MYO16: variants seen among roughly 807,000 people sequenced by gnomAD.
MYO16 encodes the protein unconventional myosin-XVI.
MYO16 carries 94 observed loss-of-function variants against 205.3 expected under a neutral mutation model. The ratio of observed to expected loss-of-function variants is 0.46; its 90% CI spans 0.39 to 0.54. The LOEUF (loss-of-function observed/expected upper bound fraction) is 0.54, where lower values mean the gene tolerates loss of function less well. Among genes scored for constraint, MYO16 ranks in the 20% least tolerant of loss-of-function variants. The probability of loss-of-function intolerance (pLI) is 0.00; values close to 1 mark genes in which losing one functional copy is unlikely to be tolerated. For missense variants in MYO16, 2,315 were observed against 2,387.5 expected, an observed-to-expected ratio of 0.97 and a Z score of 0.63; for synonymous variants, 988 against 954.0, an observed-to-expected ratio of 1.04 and a Z score of -0.66.
chr13:108,544,561 G>A, the MYO16 span, among the ~76,000 whole-genome samples: 2 of 151,990 alleles, frequency 1.3e-5, no homozygotes, highest in Non-Finnish European at 2.9e-5. Flanking sequence ...TATTAAAAGA[G>A]TTACATAGTT....
At chr13:108,900,629 C>G (rs1369705024) in intron 15 of MYO16, among the ~76,000 whole-genome samples, 3 of 152,166 alleles carry the variant, frequency 2.0e-5, no homozygotes, top group Non-Finnish European at 2.9e-5. Context: ...ATTTCCTATG[C>G]CTGTCTTTAC....
At chr13:108,942,376 A>G (rs748478766) in intron 16 of MYO16, among the ~76,000 whole-genome samples, 4 of 152,202 alleles carry the variant, frequency 2.6e-5, no homozygotes, top group Non-Finnish European at 4.4e-5. Context: ...CCCTTAGAAA[A>G]TGTGCTGATG....
chr13:108,782,508 A>C (rs1886333770), intron 4 of MYO16, among the ~76,000 whole-genome samples: 1 of 152,132 alleles, frequency 6.6e-6, no homozygotes, highest in African/African-American at 2.4e-5. Context: ...GAAAAGAAAA[A>C]CCCATTTTTT....
chr13:108,972,376 AT>A, intron 20 of MYO16, among the ~76,000 whole-genome samples: 1 of 61,924 alleles, frequency 1.6e-5, no homozygotes, highest in Non-Finnish European at 2.8e-5. Context: ...ATATATATAT[AT>A]ATATATATAT....
intron 15 of MYO16, among the ~76,000 whole-genome samples, 194 bp downstream of exon 15, chr13:108,898,327 C>T: frequency 7.2e-6 from 1 of 139,222 alleles, no homozygotes; most frequent in East Asian, 2.1e-4. Context: ...GATCAATACT[C>T]AGGCACTCAG....
At chr13:109,182,644 A>G (rs1879503487) in intron 34 of MYO16, among the ~76,000 whole-genome samples, 1 of 152,204 alleles carries the variant, frequency 6.6e-6, no homozygotes, top group African/African-American at 2.4e-5. Flanking sequence ...TACTATCTAT[A>G]AAGTTTTACA....
At chr13:108,580,200 G>T in the MYO16 span, among the ~76,000 whole-genome samples, 1 of 152,136 alleles carries the variant, frequency 6.6e-6, no homozygotes, top group African/African-American at 2.4e-5. Flanking sequence ...TGCATCCCTG[G>T]ATAAACATTT....
At chr13:109,001,047 T>C (rs1446924442) in intron 21 of MYO16, among the ~76,000 whole-genome samples, 5 of 151,870 alleles carry the variant, frequency 3.3e-5, no homozygotes, top group Middle Eastern at 3.2e-3. Flanking sequence ...AACAATGTCT[T>C]TATACATGTG....
chr13:108,523,073 G>A, the MYO16 span, among the ~76,000 whole-genome samples: 1 of 152,070 alleles, frequency 6.6e-6, no homozygotes, highest in African/African-American at 2.4e-5. Flanking sequence ...GACATTACAG[G>A]GACTTAGTGA....
At chr13:108,804,150 C>T (rs1365665945) in intron 6 of MYO16, among the ~76,000 whole-genome samples, 3 of 152,040 alleles carry the variant, frequency 2.0e-5, no homozygotes, top group African/African-American at 7.3e-5. Flanking sequence ...TCTCCATCTG[C>T]AAAATAAGGG....
At chr13:109,038,942 G>A (rs1454776468) in intron 23 of MYO16, among the ~76,000 whole-genome samples, 3 of 152,068 alleles carry the variant, frequency 2.0e-5, no homozygotes, top group South Asian at 2.1e-4. Flanking sequence ...CTTGGTAGGG[G>A]GTTAGGACTT....
At chr13:108,910,808 G>T (rs1394570301) in intron 16 of MYO16, among the ~76,000 whole-genome samples, 1 of 152,124 alleles carries the variant, frequency 6.6e-6, no homozygotes, top group African/African-American at 2.4e-5. Context: ...AGAGAAGTTG[G>T]TGGGAAAAGA....
At chr13:108,594,966 A>C (rs576559168), upstream of MYO16, among the ~76,000 whole-genome samples, 66 of 152,180 alleles carry the variant, frequency 4.3e-4, 1 homozygote, top group Admixed American at 1.6e-3. Flanking sequence ...TCAGTTATGG[A>C]TAACTTTTGC....
At chr13:108,726,121 GA>G (rs1392451671) in intron 3 of MYO16, among the ~76,000 whole-genome samples, 1 of 152,114 alleles carries the variant, frequency 6.6e-6, no homozygotes, top group Non-Finnish European at 1.5e-5. Flanking sequence ...TTTGGGGAGA[GA>G]AATCTGTTCT....
chr13:108,869,593 T>C (rs1210554597), intron 12 of MYO16, among the ~76,000 whole-genome samples: 1 of 148,444 alleles, frequency 6.7e-6, no homozygotes, highest in South Asian at 2.1e-4. Flanking sequence ...TAGCCGGGCG[T>C]CGTGGCGGGC....
chr13:108,705,915 G>T (rs1883490909), intron 2 of MYO16, among the ~76,000 whole-genome samples: 1 of 152,042 alleles, frequency 6.6e-6, no homozygotes. Context: ...GCTTAAAGAA[G>T]AATTAATACT....
intron 27 of MYO16, among the ~76,000 whole-genome samples, chr13:109,068,475 G>A (rs1285135666): frequency 1.3e-5 from 2 of 151,276 alleles, no homozygotes; most frequent in Non-Finnish European, 2.9e-5. Flanking sequence ...ATAATAATGG[G>A]CATGGCTATA....
chr13:109,023,447 A>C (rs1358983295), intron 23 of MYO16, among the ~76,000 whole-genome samples: 77 of 96,604 alleles, frequency 8.0e-4, no homozygotes, highest in African/African-American at 3.6e-3. Flanking sequence ...TTATACAGAT[A>C]TAAATATATA....
At chr13:109,036,088 C>T (rs1030961695) in intron 23 of MYO16, among the ~76,000 whole-genome samples, 27 of 152,172 alleles carry the variant, frequency 1.8e-4, no homozygotes, top group Admixed American at 2.6e-4. Context: ...CAAGGCACAG[C>T]GAGAAAGGAG....
Sources: allele counts gnomAD v4.1 joint callset (sites outside exome capture counted in the v4.1 genomes callset), GRCh38; gene constraint gnomAD v4.1.1; transcripts MANE v1.5; gene names NCBI Gene and HGNC (gene_info 2026-07-23, HGNC 2026-07-21).